Variants in SCHIP1 observed in about 807,000 individuals in gnomAD.
SCHIP1 encodes the protein schwannomin interacting protein 1, also known as schwannomin-interacting protein 1.
In SCHIP1, 8 loss-of-function variants were observed where a neutral mutation model predicts 29.7. The ratio of observed to expected loss-of-function variants is 0.27; its 90% CI spans 0.16 to 0.49. SCHIP1 has a LOEUF of 0.49. Ranked by LOEUF, SCHIP1 falls within the 20% of genes least tolerant of loss-of-function variation. The pLI, the probability that SCHIP1 is intolerant of heterozygous loss-of-function variation, is 0.99. For synonymous variants in SCHIP1, 76 were observed against 94.9 expected, an observed-to-expected ratio of 0.80 and a Z score of 1.16; for missense variants, 193 against 294.6, an observed-to-expected ratio of 0.66 and a Z score of 2.52.
At chr3:159,834,755 C>T in the SCHIP1 span, among the ~76,000 whole-genome samples, 4 of 152,174 alleles carry the variant, frequency 2.6e-5, no homozygotes, top group African/African-American at 9.7e-5. Context: ...GAAGTCAAAA[C>T]TTTGTTTCAT....
chr3:159,355,167 G>A, the SCHIP1 span, among the ~76,000 whole-genome samples: 2 of 152,054 alleles, frequency 1.3e-5, no homozygotes, highest in Admixed American at 1.3e-4. Flanking sequence ...GGATAGGACA[G>A]CTAGATGCTT....
At chr3:159,527,724 G>A in the SCHIP1 span, among the ~76,000 whole-genome samples, 16 of 152,104 alleles carry the variant, frequency 1.1e-4, no homozygotes, top group Non-Finnish European at 2.9e-5. Context: ...ATGCTAATTT[G>A]CATTTGGAGT....
At chr3:159,461,017 G>GTTTCAC in the SCHIP1 span, among the ~76,000 whole-genome samples, 1 of 152,074 alleles carries the variant, frequency 6.6e-6, no homozygotes, top group African/African-American at 2.4e-5. Context: ...GAAGTTCGTG[G>GTTTCAC]AACTTGAGGG....
At chr3:159,307,586 G>C in the SCHIP1 span, among the ~76,000 whole-genome samples, 3 of 152,052 alleles carry the variant, frequency 2.0e-5, no homozygotes, top group Non-Finnish European at 4.4e-5. Context: ...GGTTCCACTT[G>C]TCTATTTTTG....
the SCHIP1 span, among the ~76,000 whole-genome samples, chr3:159,744,464 A>C: frequency 6.6e-6 from 1 of 152,202 alleles, no homozygotes; most frequent in African/African-American, 2.4e-5. Context: ...ACTAGAAAAA[A>C]TTCTGTAGGA....
the SCHIP1 span, among the ~76,000 whole-genome samples, chr3:159,540,525 T>C: frequency 2.0e-5 from 3 of 152,098 alleles, no homozygotes; most frequent in Non-Finnish European, 4.4e-5. Flanking sequence ...CTTTTTAAAT[T>C]ATCTATCTTA....
the SCHIP1 span, among the ~76,000 whole-genome samples, chr3:159,546,857 T>A: frequency 6.6e-6 from 1 of 150,724 alleles, no homozygotes; most frequent in South Asian, 2.2e-4. Flanking sequence ...GTCTTTGCTA[T>A]TGTAAACAGT....
chr3:159,668,910 GA>G, the SCHIP1 span, among the ~76,000 whole-genome samples: 5,400 of 149,626 alleles, frequency 0.036, 107 homozygotes, highest in Middle Eastern at 0.11. Flanking sequence ...TATCTAAAAG[GA>G]AAAAAAAAAT....
chr3:159,382,194 G>C, the SCHIP1 span, among the ~76,000 whole-genome samples: 1 of 150,332 alleles, frequency 6.7e-6, no homozygotes, highest in South Asian at 2.1e-4. Context: ...TGCCATGCTG[G>C]TGTGCTGCAC....
At chr3:159,642,456 C>T in the SCHIP1 span, among the ~76,000 whole-genome samples, 10 of 152,078 alleles carry the variant, frequency 6.6e-5, no homozygotes, top group African/African-American at 2.4e-4. Flanking sequence ...AAGACTTCAG[C>T]TACATCCTCC....
the SCHIP1 span, among the ~76,000 whole-genome samples, chr3:159,650,417 A>C: frequency 1.3e-5 from 2 of 152,148 alleles, no homozygotes; most frequent in South Asian, 4.1e-4. Context: ...CGTATTCACA[A>C]AATTTATTTT....
At chr3:159,637,148 T>C in the SCHIP1 span, among the ~76,000 whole-genome samples, 1 of 152,214 alleles carries the variant, frequency 6.6e-6, no homozygotes, top group East Asian at 1.9e-4. Flanking sequence ...GATTTCAGGA[T>C]ATTTTTCATT....
exon 1 of SCHIP1, chr3:159,840,100 G>A (rs11550574): frequency 1.3e-6 from 2 of 1,527,406 alleles, no homozygotes; most frequent in Non-Finnish European, 1.7e-6. Context: ...CGTTCTCTCC[G>A]CCCGCCGGTG....
At chr3:159,427,599 C>T in the SCHIP1 span, among the ~76,000 whole-genome samples, 121 of 151,950 alleles carry the variant, frequency 8.0e-4, no homozygotes, top group African/African-American at 2.1e-3. Context: ...GAATCAATAT[C>T]GTGAAAATGG....
chr3:159,620,504 T>C, the SCHIP1 span, among the ~76,000 whole-genome samples: 1 of 152,252 alleles, frequency 6.6e-6, no homozygotes, highest in Admixed American at 6.5e-5. Flanking sequence ...CCGAGTTTTG[T>C]GGTGACTGGA....
At chr3:159,837,657 A>T (rs1448245602), upstream of SCHIP1, among the ~76,000 whole-genome samples, 1 of 151,700 alleles carries the variant, frequency 6.6e-6, no homozygotes, top group Admixed American at 6.6e-5. Flanking sequence ...TGGGAGGCAG[A>T]GGTTGCAGTG....
intron 2 of SCHIP1, among the ~76,000 whole-genome samples, chr3:159,874,508 G>A (rs1715583209): frequency 6.6e-6 from 1 of 152,136 alleles, no homozygotes; most frequent in Admixed American, 6.5e-5. Flanking sequence ...AGGAGTGGGG[G>A]GCACCCTAAC....
the SCHIP1 span, among the ~76,000 whole-genome samples, chr3:159,500,621 G>A: frequency 6.6e-6 from 1 of 151,962 alleles, no homozygotes; most frequent in South Asian, 2.1e-4. Context: ...GGCTGAGGCA[G>A]GAGAATGGCG....
chr3:159,794,557 A>C, the SCHIP1 span, among the ~76,000 whole-genome samples: 1 of 152,218 alleles, frequency 6.6e-6, no homozygotes, highest in Non-Finnish European at 1.5e-5. Flanking sequence ...CCTACATACA[A>C]AAAGACTAGA....
Sources: gnomAD v4.1 joint callset for allele counts (sites outside exome capture counted in the v4.1 genomes callset) on GRCh38, gnomAD v4.1.1 for gene constraint, MANE v1.5 for transcripts, NCBI Gene and HGNC (gene_info 2026-07-23, HGNC 2026-07-21) for gene names.